Variants in EYS observed in about 807,000 individuals in gnomAD.
The protein encoded by EYS is EGF-like photoreceptor maintenance factor.
EYS carries 250 observed loss-of-function variants against 282.1 expected under a neutral mutation model. The ratio of observed to expected loss-of-function variants is 0.89; its 90% CI spans 0.80 to 0.98. The LOEUF (loss-of-function observed/expected upper bound fraction) is 0.98, where lower values mean the gene tolerates loss of function less well. Ranked by LOEUF, EYS falls within the 50% of genes least tolerant of loss-of-function variation. EYS has a pLI of 0.00. For synonymous variants in EYS, 1,355 were observed against 1,282.9 expected (o/e 1.06, Z -1.20); for missense variants, 4,016 against 3,709.0 (o/e 1.08, Z -2.15).
intron 35 of EYS, among the ~76,000 whole-genome samples, chr6:63,930,845 T>C (rs1465800975): frequency 6.6e-6 from 1 of 152,142 alleles, no homozygotes; most frequent in Non-Finnish European, 1.5e-5. Context: ...TTTATCCTAG[T>C]CTATAATTTA....
intron 14 of EYS, among the ~76,000 whole-genome samples, chr6:64,954,186 T>C (rs936868987): frequency 6.6e-6 from 1 of 152,068 alleles, no homozygotes; most frequent in Non-Finnish European, 1.5e-5. Context: ...TAATCTTTAC[T>C]TATAATTTAG....
intron 22 of EYS, among the ~76,000 whole-genome samples, chr6:64,667,586 A>G (rs1769278156): frequency 6.6e-6 from 1 of 151,586 alleles, no homozygotes; most frequent in South Asian, 2.1e-4. Flanking sequence ...TTCTGAGTTC[A>G]TTCCCTTAGT....
chr6:65,280,225 C>A (rs1266672388), intron 12 of EYS, among the ~76,000 whole-genome samples: 1 of 152,122 alleles, frequency 6.6e-6, no homozygotes, highest in Non-Finnish European at 1.5e-5. Context: ...CAAACAATGA[C>A]TCATTAGTCA....
chr6:64,194,646 T>G (rs190561074), intron 31 of EYS, among the ~76,000 whole-genome samples: 1 of 152,314 alleles, frequency 6.6e-6, no homozygotes, highest in Admixed American at 6.5e-5. Flanking sequence ...AGGTTTGCTT[T>G]TTAGCCCAGA....
chr6:64,291,250 G>C (rs1295742086), intron 30 of EYS, among the ~76,000 whole-genome samples: 1 of 151,908 alleles, frequency 6.6e-6, no homozygotes, highest in Non-Finnish European at 1.5e-5. Context: ...TAACAGAGCT[G>C]TCATTAATCA....
intron 12 of EYS, among the ~76,000 whole-genome samples, chr6:65,212,694 G>T (rs1227002601): frequency 6.6e-6 from 1 of 152,008 alleles, no homozygotes; most frequent in Non-Finnish European, 1.5e-5. Flanking sequence ...GCTGTTCTAA[G>T]AAATTATTTT....
intron 31 of EYS, among the ~76,000 whole-genome samples, chr6:64,128,352 C>T (rs1773853805): frequency 6.6e-6 from 1 of 152,142 alleles, no homozygotes. Context: ...TAAAATGGAG[C>T]ATGCTTTGAT....
At chr6:64,959,926 T>G (rs981501696) in intron 14 of EYS, among the ~76,000 whole-genome samples, 3 of 151,644 alleles carry the variant, frequency 2.0e-5, no homozygotes, top group African/African-American at 7.3e-5. Context: ...AAAGTTTGTC[T>G]TTGTTGCCAA....
intron 13 of EYS, among the ~76,000 whole-genome samples, chr6:65,039,063 C>T (rs988751066): frequency 2.0e-5 from 3 of 151,258 alleles, no homozygotes; most frequent in Non-Finnish European, 4.4e-5. Flanking sequence ...ATGATTATTG[C>T]TTATTTTACA....
chr6:64,028,554 C>T (rs1178164328), intron 33 of EYS, among the ~76,000 whole-genome samples: 1 of 152,160 alleles, frequency 6.6e-6, no homozygotes, highest in African/African-American at 2.4e-5. Flanking sequence ...AGTTCTGGAC[C>T]TCAAGGATGC....
intron 2 of EYS, among the ~76,000 whole-genome samples, chr6:65,617,251 T>G (rs566003277): frequency 6.6e-6 from 1 of 152,204 alleles, no homozygotes; most frequent in East Asian, 1.9e-4. Flanking sequence ...ATTCAGCAGG[T>G]TGACAATATA....
chr6:65,382,310 G>C (rs1765644091), intron 8 of EYS, among the ~76,000 whole-genome samples: 1 of 136,682 alleles, frequency 7.3e-6, no homozygotes, highest in Admixed American at 8.1e-5. Flanking sequence ...ATTAATTATT[G>C]TGTGGTTTGA....
rs1013800839 is a variant in EYS at position 64,896,545 on chromosome 6, G to T, written c.2846+5568C>A. On this transcript the variant is annotated intron_variant, in intron 18 of 42. Transcript: ENST00000503581. Reference sequence around the variant, plus strand: ...CATTGAGCTAGCTGCAGGAGTTGTTGTTTTTTTTTTTTTTTTTTCGTATCC... The same window carrying T: ...CATTGAGCTAGCTGCAGGAGTTGTTTTTTTTTTTTTTTTTTTTTCGTATCC... Among the ~76,000 whole-genome samples, 368 of 85,266 alleles carry T rather than the reference G, an allele frequency of 4.3e-3. 1 individual carries two copies. Among genetic ancestry groups the T allele is most frequent in the Middle Eastern group, 0.012 (2 of 164 alleles). The allele number at this position is 85,266 out of a possible 152,430, so 55.9% of individuals were successfully genotyped here.
rs569195674 is a variant in EYS at position 65,397,266 on chromosome 6, A to G, written c.1184+5212T>C. 2.6e-5 allele frequency among the ~76,000 whole-genome samples: 4 copies of G among 151,894 alleles called. No individual in the cohort carries two copies. In the South Asian group the frequency reaches 8.3e-4, roughly 31 times the overall value. On this transcript the variant is annotated intron_variant, in intron 7 of 42. Transcript: ENST00000503581. ...TGTTTGCTTGTTTTTTGTTATTTTA[A>G]CATGGGTATATTACATAGCGGTGAA...
chr6:65,300,223 C>T (rs970056468), intron 11 of EYS, among the ~76,000 whole-genome samples: 5 of 152,136 alleles, frequency 3.3e-5, no homozygotes, highest in African/African-American at 1.2e-4. Flanking sequence ...GATCCACAGG[C>T]TCACTTCATA....
At chr6:64,675,620 G>A (rs1769630811) in intron 22 of EYS, among the ~76,000 whole-genome samples, 1 of 151,650 alleles carries the variant, frequency 6.6e-6, no homozygotes, top group Admixed American at 6.6e-5. Flanking sequence ...AGTAGAGACA[G>A]GGTTTCACCA....
At chr6:64,513,673 T>C (rs1037912613) in intron 26 of EYS, among the ~76,000 whole-genome samples, 2 of 151,880 alleles carry the variant, frequency 1.3e-5, no homozygotes, top group Non-Finnish European at 2.9e-5. Flanking sequence ...TTATAGAATT[T>C]TTACAGGAAC....
chr6:64,353,895 T>C (rs1771731706), intron 29 of EYS, among the ~76,000 whole-genome samples: 1 of 151,566 alleles, frequency 6.6e-6, no homozygotes, highest in Non-Finnish European at 1.5e-5. Flanking sequence ...AGGGGAAACA[T>C]CTGTGCTGGG....
chr6:64,055,046 A>G (rs146439869), intron 33 of EYS, among the ~76,000 whole-genome samples: 8 of 152,268 alleles, frequency 5.3e-5, no homozygotes, highest in Non-Finnish European at 1.2e-4. Context: ...TGCTTACTGT[A>G]GTACAGATGA....
Sources: allele counts gnomAD v4.1 joint callset (sites outside exome capture counted in the v4.1 genomes callset), GRCh38; gene constraint gnomAD v4.1.1; transcripts MANE v1.5; gene names NCBI Gene and HGNC (gene_info 2026-07-23, HGNC 2026-07-21).